The following ZNF804B variants were observed in gnomAD, a reference collection of about 807,000 sequenced individuals.
ZNF804B encodes zinc finger protein 804B.
In ZNF804B, 80 loss-of-function variants were observed where a neutral mutation model predicts 101.4. The observed-to-expected ratio is 0.79, with a 90% CI of 0.66 to 0.95. ZNF804B has a LOEUF of 0.95. Ranked by LOEUF, ZNF804B falls within the 40% of genes least tolerant of loss-of-function variation. ZNF804B has a pLI of 0.00. For synonymous variants in ZNF804B, 622 were observed against 558.8 expected (o/e 1.11, Z -1.59); for missense variants, 1,673 against 1,561.9 (o/e 1.07, Z -1.20).
intron 1 of ZNF804B, among the ~76,000 whole-genome samples, chr7:88,819,687 T>C (rs550768220): frequency 6.6e-6 from 1 of 152,134 alleles, no homozygotes; most frequent in Non-Finnish European, 1.5e-5. Flanking sequence ...TATTAAAAAA[T>C]TTCCCCTTCA....
chr7:88,853,157 A>T (rs1216206164), intron 1 of ZNF804B, among the ~76,000 whole-genome samples: 1 of 152,150 alleles, frequency 6.6e-6, no homozygotes, highest in Non-Finnish European at 1.5e-5. Flanking sequence ...ATATCCAATC[A>T]TCTGGAGAAA....
chr7:89,131,825 T>C (rs1790551803), intron 1 of ZNF804B, among the ~76,000 whole-genome samples: 1 of 152,028 alleles, frequency 6.6e-6, no homozygotes, highest in South Asian at 2.1e-4. Context: ...AGGATTTGTC[T>C]GAGTTTGAGG....
intron 1 of ZNF804B, among the ~76,000 whole-genome samples, chr7:88,795,921 G>A (rs980761256): frequency 2.0e-5 from 3 of 152,116 alleles, no homozygotes; most frequent in African/African-American, 7.2e-5. Flanking sequence ...TTGTAAGTCA[G>A]ACAGATGGTG....
chr7:88,777,403 G>C (rs1158528879), intron 1 of ZNF804B, among the ~76,000 whole-genome samples: 1 of 152,210 alleles, frequency 6.6e-6, no homozygotes, highest in East Asian at 1.9e-4. Flanking sequence ...AGACCAGCTA[G>C]CAAGGGGATC....
intron 2 of ZNF804B, among the ~76,000 whole-genome samples, chr7:89,241,998 T>G (rs1789379717): frequency 6.6e-6 from 1 of 151,862 alleles, no homozygotes; most frequent in Non-Finnish European, 1.5e-5. Flanking sequence ...AAACTTAATT[T>G]ACAGGTCTTC....
chr7:88,813,436 AAAG>A (rs1229838477), intron 1 of ZNF804B, among the ~76,000 whole-genome samples: 1 of 151,348 alleles, frequency 6.6e-6, no homozygotes, highest in Non-Finnish European at 1.5e-5. Context: ...AAAAAAAAAA[AAAG>A]AAAAGAAAAA....
chr7:89,082,258 G>A (rs1789708175), intron 1 of ZNF804B, among the ~76,000 whole-genome samples: 1 of 151,596 alleles, frequency 6.6e-6, no homozygotes, highest in African/African-American at 2.4e-5. Context: ...AATATAAATA[G>A]ATGTTCAAAT....
intron 1 of ZNF804B, among the ~76,000 whole-genome samples, chr7:89,044,079 T>G (rs1246296624): frequency 2.0e-5 from 3 of 152,196 alleles, no homozygotes; most frequent in Admixed American, 2.0e-4. Flanking sequence ...AGACACTGCA[T>G]AATCCCCACA....
At chr7:89,105,760 C>G (rs947084615) in intron 1 of ZNF804B, among the ~76,000 whole-genome samples, 3 of 152,108 alleles carry the variant, frequency 2.0e-5, no homozygotes, top group South Asian at 4.1e-4. Flanking sequence ...TCACAGGTCC[C>G]CAAGGATACC....
intron 2 of ZNF804B, among the ~76,000 whole-genome samples, chr7:89,293,586 C>A (rs34212307): frequency 0.082 from 12,526 of 151,982 alleles, 1,761 homozygotes; most frequent in East Asian, 0.69. Flanking sequence ...AGATCGAGAC[C>A]ATCCTGGCTA....
intron 1 of ZNF804B, among the ~76,000 whole-genome samples, chr7:89,163,859 TTTC>T (rs1353070469): frequency 2.0e-5 from 3 of 151,970 alleles, no homozygotes; most frequent in African/African-American, 7.2e-5. Context: ...CTTCTCTCCC[TTTC>T]TTCTTATTTC....
At chr7:89,141,177 T>TA (rs1790710539) in intron 1 of ZNF804B, among the ~76,000 whole-genome samples, 1 of 151,980 alleles carries the variant, frequency 6.6e-6, no homozygotes, top group Admixed American at 6.6e-5. Flanking sequence ...CCAAAACAAT[T>TA]ACAATAGTAA....
intron 1 of ZNF804B, among the ~76,000 whole-genome samples, chr7:89,172,165 C>T (rs1433424871): frequency 6.6e-6 from 1 of 151,958 alleles, no homozygotes; most frequent in Non-Finnish European, 1.5e-5. Context: ...CACTCAGAGA[C>T]CAATTGAAGA....
intron 2 of ZNF804B, among the ~76,000 whole-genome samples, chr7:89,279,904 A>G (rs962928199): frequency 6.6e-6 from 1 of 152,122 alleles, no homozygotes; most frequent in Non-Finnish European, 1.5e-5. Context: ...TGCACCAAGC[A>G]GACCTAATAG....
chr7:89,006,484 TTA>T (rs1180346692), intron 1 of ZNF804B, among the ~76,000 whole-genome samples: 2 of 152,138 alleles, frequency 1.3e-5, no homozygotes, highest in African/African-American at 4.8e-5. Flanking sequence ...TGAAGAATGA[TTA>T]TGTTTTGTTT....
chr7:89,149,342 C>A (rs1472283796), intron 1 of ZNF804B, among the ~76,000 whole-genome samples: 2 of 152,130 alleles, frequency 1.3e-5, no homozygotes, highest in Non-Finnish European at 2.9e-5. Context: ...AAGCCTTGGT[C>A]AAGAATTTCA....
intron 1 of ZNF804B, among the ~76,000 whole-genome samples, chr7:89,043,351 A>G (rs1030532812): frequency 1.3e-5 from 2 of 152,246 alleles, no homozygotes; most frequent in African/African-American, 2.4e-5. Flanking sequence ...ATTTTTTACA[A>G]TTAAACACAG....
At chr7:88,931,993 A>G (rs986391092) in intron 1 of ZNF804B, among the ~76,000 whole-genome samples, 5 of 147,356 alleles carry the variant, frequency 3.4e-5, no homozygotes, top group African/African-American at 1.3e-4. Context: ...TTCTTGGCAG[A>G]GGCCTCTGTA....
At chr7:88,803,631 A>G (rs1790641704) in intron 1 of ZNF804B, among the ~76,000 whole-genome samples, 1 of 152,140 alleles carries the variant, frequency 6.6e-6, no homozygotes, top group Non-Finnish European at 1.5e-5. Context: ...GAGGACTAAC[A>G]TTTTTTCTTT....
Sources: gnomAD v4.1 joint callset for allele counts (sites outside exome capture counted in the v4.1 genomes callset) on GRCh38, gnomAD v4.1.1 for gene constraint, MANE v1.5 for transcripts, NCBI Gene and HGNC (gene_info 2026-07-23, HGNC 2026-07-21) for gene names.